C11orf58: variants seen among roughly 807,000 people sequenced by gnomAD.
C11orf58 encodes small acidic protein.
In C11orf58, 5 loss-of-function variants were observed where a neutral mutation model predicts 22.7. The observed-to-expected ratio is 0.22, with a 90% CI of 0.12 to 0.46. C11orf58 has a LOEUF of 0.46. C11orf58 is among the 20% of genes least tolerant of loss of function. The pLI, the probability that C11orf58 is intolerant of heterozygous loss-of-function variation, is 0.99. For missense variants in C11orf58, 151 were observed against 223.3 expected (o/e 0.68, Z 2.06); for synonymous variants, 71 against 70.7 (o/e 1.00, Z -0.02).
chr11:16,754,902 C>G lies in C11orf58; in HGVS notation c.350C>G (p.Ala117Gly). The G allele has an allele frequency of 6.2e-7, 1 of 1,613,978 alleles. No homozygotes were observed. Among genetic ancestry groups the G allele is most frequent in the Non-Finnish European group, 8.5e-7 (1 of 1,179,970 alleles). Reference protein sequence around the residue: ...VEDHDGEGDVAGDDDDDDDDS... With the variant: ...VEDHDGEGDVGGDDDDDDDDS... ...GACCATGATGGAGAAGGTGATGTGG[C>G]TGGAGATGATGATGATGACGATGAT... Residue 117 changes from alanine to glycine, a missense_variant, in exon 5 of 5, where the codon GCT becomes GGT. Physicochemically the swap from Ala to Gly is moderately conservative, Grantham distance 60. Around this residue, in one of 3 missense-constraint regions of C11orf58, gnomAD observed 112 missense variants for 162.6 expected, o/e 0.69. Transcript: ENST00000228136.
rs762585334 is a variant in C11orf58 at position 16,738,741 on chromosome 11, G to A, written c.-38G>A. Reference sequence around the variant, plus strand: ...TGGTTTTGCGGCTGGGAAGAGCGGCGAGAGGGTTCGGCATTTTTCGTCGGG... The same window carrying A: ...TGGTTTTGCGGCTGGGAAGAGCGGCAAGAGGGTTCGGCATTTTTCGTCGGG... On this transcript the variant is annotated 5_prime_UTR_variant, in exon 1 of 5. Transcript: ENST00000228136. The A allele has an allele frequency of 3.7e-6, 6 of 1,611,456 alleles. No individual in the cohort carries two copies. Among genetic ancestry groups the A allele is most frequent in the African/African-American group, 2.7e-5 (2 of 74,878 alleles).
chr11:16,740,173 T>C (rs1242556099), intron 1 of C11orf58, among the ~76,000 whole-genome samples: 1 of 152,208 alleles, frequency 6.6e-6, no homozygotes, highest in African/African-American at 2.4e-5. Flanking sequence ...TAAAAAGCTG[T>C]TACATTGTTT....
chr11:16,745,954 A>G (rs1235256140), intron 2 of C11orf58, among the ~76,000 whole-genome samples: 1 of 152,230 alleles, frequency 6.6e-6, no homozygotes, highest in African/African-American at 2.4e-5. Context: ...CCCAACAATT[A>G]CAGACTACCT....
intron 4 of C11orf58, among the ~76,000 whole-genome samples, chr11:16,754,327 CTT>C (rs1475809354): frequency 1.3e-5 from 2 of 151,314 alleles, no homozygotes; most frequent in Non-Finnish European, 2.9e-5. Flanking sequence ...CACCTCCCCT[CTT>C]GTTTTCTTTT....
chr11:16,752,132 GC>G, intron 3 of C11orf58: 1 of 179,924 alleles, frequency 5.6e-6, no homozygotes, highest in South Asian at 1.6e-4. Context: ...CCGTCTAGTT[GC>G]AGGGAAAACA....
chr11:16,742,849 G>A (rs1385737582), intron 1 of C11orf58, among the ~76,000 whole-genome samples: 3 of 152,104 alleles, frequency 2.0e-5, no homozygotes, highest in African/African-American at 7.2e-5. Flanking sequence ...TATGCTAAAT[G>A]TGGGGGATTG....
At chr11:16,744,565 T>G in intron 1 of C11orf58, 36 bp from the exon 2 acceptor site, 1 of 1,564,448 alleles carries the variant, frequency 6.4e-7, no homozygotes, top group South Asian at 1.1e-5. Flanking sequence ...CTTATTTTTA[T>G]GCAAAAAAAA....
rs55803725 is a variant in C11orf58, at chr11:16,756,908, CAAA to C, written c.*1822_*1824del. 11 of 97,026 alleles carry C rather than the reference CAAA, an allele frequency of 1.1e-4. No individual in the cohort carries two copies. The highest frequency in any genetic ancestry group is 2.0e-4 in the African/African-American group (5 of 24,924). 6.0% of individuals were successfully genotyped at this position (97,026 alleles called of 1,614,324 possible). ...GGGCAACAAGAGCAAAACTCCATCT[CAAA>C]AAAAAAAAAAAAAAAAATTTAGAAT... On this transcript the variant is annotated 3_prime_UTR_variant, in exon 5 of 5. Coordinates refer to ENST00000228136, the MANE Select transcript of C11orf58 (RefSeq NM_014267.6).
At chr11:16,750,323 A>G (rs985706393) in intron 3 of C11orf58, 9 of 152,258 alleles carry the variant, frequency 5.9e-5, no homozygotes, top group African/African-American at 2.2e-4. Flanking sequence ...GTTTTTCAAA[A>G]GAAAAAATCG....
At chr11:16,754,405 G>A (rs1466167056) in intron 4 of C11orf58, among the ~76,000 whole-genome samples, 1 of 150,908 alleles carries the variant, frequency 6.6e-6, no homozygotes, top group Admixed American at 6.6e-5. Context: ...ATCATAGCTC[G>A]CTACAGCCTT....
chr11:16,742,575 G>A (rs1389472336), intron 1 of C11orf58, among the ~76,000 whole-genome samples: 1 of 152,118 alleles, frequency 6.6e-6, no homozygotes, highest in South Asian at 2.1e-4. Flanking sequence ...AAAATTATGA[G>A]AGCATATAAG....
At chr11:16,748,199 AG>A in intron 3 of C11orf58, 42 bp downstream of exon 3, 1 of 1,462,840 alleles carries the variant, frequency 6.8e-7, no homozygotes, top group Non-Finnish European at 9.6e-7. Flanking sequence ...TGCTAAATTC[AG>A]AATATGAAGT....
chr11:16,752,529 G>A (rs1848541602), intron 3 of C11orf58: 1 of 236,658 alleles, frequency 4.2e-6, no homozygotes, highest in Non-Finnish European at 8.1e-6. Context: ...AAATCTTTCA[G>A]GATAACATCT....
At position 16,747,970 on chromosome 11, in the gene C11orf58, GAT is replaced by G. The variant is rs1307444117; in HGVS notation, c.148-126_148-125del. 5 of 715,406 alleles carry G rather than the reference GAT, an allele frequency of 7.0e-6. No individual in the cohort carries two copies. The African/African-American group carries it at 7.2e-5, about 10-fold the overall frequency. The allele number at this position is 715,406 out of a possible 1,614,324, so 44.3% of individuals were successfully genotyped here. On this transcript the variant is annotated intron_variant, in intron 2 of 4. Coordinates refer to ENST00000228136, the MANE Select transcript of C11orf58 (RefSeq NM_014267.6). ...AGAATGTAAGGTCCTTAAAGGCAGA[GAT>G]TCTAATTTAATCTTTTGTCTTCACT...
At chr11:16,738,924 C>A (rs1026018346) in intron 1 of C11orf58, 83 bp downstream of exon 1, 5 of 1,491,192 alleles carry the variant, frequency 3.4e-6, no homozygotes, top group South Asian at 1.1e-5. Flanking sequence ...GAGGAGGACG[C>A]GCCTGAGGTG....
At chr11:16,739,037 A>G (rs1372486003) in intron 1 of C11orf58, among the ~76,000 whole-genome samples, 196 bp downstream of exon 1, 4 of 152,084 alleles carry the variant, frequency 2.6e-5, no homozygotes. Flanking sequence ...CCACACGCTG[A>G]GAGCCGGAGA....
chr11:16,748,934 T>A (rs1848510122), intron 3 of C11orf58, among the ~76,000 whole-genome samples: 1 of 152,234 alleles, frequency 6.6e-6, no homozygotes. Context: ...TGAGGTTTTA[T>A]GCCTCAACTT....
At chr11:16,744,712 CCTTT>C in intron 2 of C11orf58, 28 bp downstream of exon 2, 1 of 1,594,720 alleles carries the variant, frequency 6.3e-7, no homozygotes, top group Non-Finnish European at 8.6e-7. Context: ...TGCATTTTTA[CCTTT>C]TCTGTGAAAA....
chr11:16,752,778 C>T lies in C11orf58; in HGVS notation c.209-7C>T. On this transcript the variant is annotated splice_region_variant and splice_polypyrimidine_tract_variant and intron_variant, in intron 3 of 4. Coordinates refer to ENST00000228136, the MANE Select transcript of C11orf58 (RefSeq NM_014267.6). The stretch of plus-strand genomic sequence containing the variant: ...TGAAACATAACTAAAGTATCCTGGA[C>T]ATGCAGGGGAAGAAGACAAGAAAAT... 7.0e-6 allele frequency: 11 copies of T among 1,576,692 alleles called. No individual in the cohort carries two copies. The highest frequency in any genetic ancestry group is 9.6e-6 in the Non-Finnish European group (11 of 1,149,938).
Sources: gnomAD v4.1 joint callset for allele counts (sites outside exome capture counted in the v4.1 genomes callset) on GRCh38, gnomAD v4.1.1 for gene constraint, gnomAD v4.1.1 regional missense constraint, MANE v1.5 for transcripts, NCBI Gene and HGNC (gene_info 2026-07-23, HGNC 2026-07-21) for gene names.